TEP1: variants seen among roughly 807,000 people sequenced by gnomAD.
The protein encoded by TEP1 is telomerase associated protein 1, also known as telomerase protein component 1.
TEP1 carries 241 observed loss-of-function variants against 306.3 expected under a neutral mutation model. That is an observed-to-expected ratio of 0.79 (90% CI 0.71 to 0.88). TEP1 has a LOEUF of 0.88. TEP1 is among the 40% of genes least tolerant of loss of function. TEP1 has a pLI of 0.00. For synonymous variants in TEP1, 1,289 were observed against 1,305.5 expected, an observed-to-expected ratio of 0.99 and a Z score of 0.27; for missense variants, 3,051 against 3,276.1, an observed-to-expected ratio of 0.93 and a Z score of 1.68.
chr14:20,380,206 C>G (rs1398995757), intron 34 of TEP1, 29 bp downstream of exon 34: 1 of 1,604,788 alleles, frequency 6.2e-7, no homozygotes, highest in African/African-American at 1.3e-5. Context: ...CTCTGGTGGG[C>G]TTACTAGGGT....
rs1884609125 is a variant in TEP1 at position 20,368,527 on chromosome 14, G to A, written c.7794C>T (p.Ser2598=). ...TAGCGCCCAGCCAAGGTTCCAGGCA[G>A]CTCACTGACCCTTCGCATCGGAACA... ...LGLFRCEGSV[S]CLEPWLGANS... Residue 2598 remains serine, a synonymous_variant, in exon 55 of 55, where the codon AGC becomes AGT. Transcript: ENST00000262715. The A allele has an allele frequency of 3.7e-6, 6 of 1,614,004 alleles. No homozygotes were observed. The South Asian group carries it at 5.5e-5, about 15-fold the overall frequency.
chr14:20,368,636 T>C, intron 54 of TEP1, 77 bp from the exon 55 acceptor site: 1 of 1,590,062 alleles, frequency 6.3e-7, no homozygotes, highest in Non-Finnish European at 8.6e-7. Context: ...CATTAATGCC[T>C]TTTATTTAGA....
intron 43 of TEP1, among the ~76,000 whole-genome samples, chr14:20,375,393 A>T (rs1057147395): frequency 6.6e-6 from 1 of 152,002 alleles, no homozygotes; most frequent in Non-Finnish European, 1.5e-5. Flanking sequence ...TGGCCTCGTG[A>T]TCCACTCGCC....
In TEP1 at chr14:20,367,071, G is replaced by C. The variant is rs1029624859; in HGVS notation, c.*1366C>G. ...GATTGAATTTTAGAAATATAATAAA[G>C]TTCTTTTATGGGCCGGGCACAATGG... On this transcript the variant is annotated 3_prime_UTR_variant, in exon 55 of 55. Coordinates refer to ENST00000262715, the MANE Select transcript of TEP1 (RefSeq NM_007110.5). 6.6e-6 allele frequency: 1 copy of C among 152,152 alleles called. No homozygotes were observed. Among genetic ancestry groups the C allele is most frequent in the East Asian group, 1.9e-4 (1 of 5,194 alleles). The allele number at this position is 152,152 out of a possible 1,614,324, so 9.4% of individuals were successfully genotyped here.
At position 20,385,113 on chromosome 14, in the gene TEP1, C is replaced by A. The variant is rs775179391; in HGVS notation, c.2983-4G>T. ...GCCCTGAAGGGTACTGCTGGGCCTG[C>A]GGGGAGGACAGAGACAGTGAGTTTA... is the stretch of plus-strand genomic sequence containing the variant. On this transcript the variant is annotated splice_region_variant and splice_polypyrimidine_tract_variant and intron_variant, in intron 20 of 54. Coordinates refer to ENST00000262715, the MANE Select transcript of TEP1 (RefSeq NM_007110.5). 17 of 1,613,558 alleles carry A rather than the reference C, an allele frequency of 1.1e-5. No individual in the cohort carries two copies. The Admixed American group carries it at 2.0e-4, about 19-fold the overall frequency.
chr14:20,406,011 C>CAA (rs765373019), intron 3 of TEP1, among the ~76,000 whole-genome samples: 20 of 35,522 alleles, frequency 5.6e-4, no homozygotes, highest in African/African-American at 1.6e-3. Context: ...GACTCCATCT[C>CAA]AAAAAAAAAA....
Position 20,384,596 on chromosome 14 carries a change from T to C in TEP1, c.3221+4A>G, listed in dbSNP as rs2139075026. The C allele has an allele frequency of 2.5e-6, 4 of 1,613,948 alleles. No homozygotes were observed. In the South Asian group the frequency reaches 4.4e-5, roughly 18 times the overall value. On this transcript the variant is annotated splice_donor_region_variant and intron_variant, in intron 22 of 54. Coordinates refer to ENST00000262715, the MANE Select transcript of TEP1 (RefSeq NM_007110.5). ...ACAGGTGCTCCCTACCTCCCTCAGCTCACCTGCGGCAGGTGATCCCTTTCT... is the reference window on the plus strand; with the variant it reads ...ACAGGTGCTCCCTACCTCCCTCAGCCCACCTGCGGCAGGTGATCCCTTTCT...
Position 20,385,101 on chromosome 14 carries a change from C to A in TEP1, c.2991G>T (p.Gln997His). The change falls in exon 21 of 55, where the codon CAG becomes CAT. Residue 997 changes from glutamine to histidine, a missense_variant. Coordinates refer to ENST00000262715, the MANE Select transcript of TEP1 (RefSeq NM_007110.5). Reference sequence around the variant, plus strand: ...CTGTCACAGAGCGCCCTGAAGGGTACTGCTGGGCCTGCGGGGAGGACAGAG... The same window carrying A: ...CTGTCACAGAGCGCCCTGAAGGGTAATGCTGGGCCTGCGGGGAGGACAGAG... ...PDHPHFHWAQ[Q>H]YPSGRSVTEM... 1 of 1,614,026 alleles carries A rather than the reference C, an allele frequency of 6.2e-7. No homozygotes were observed. The highest frequency in any genetic ancestry group is 8.5e-7 in the Non-Finnish European group (1 of 1,179,962).
rs773651795 is a variant in TEP1, at chr14:20,378,523, CTG to C, written c.5363_5364del (p.Thr1788SerfsTer152). ...TGCTGGAAGGCCAGCTGCCCACGGA[CTG>C]TGTCCCACAGCTGAGGGAGAGAGAG... ...CLGGCLKLWD[T>X]VRGQLAFQHT... is the part of the protein sequence containing the mutation. On this transcript the variant is annotated frameshift_variant, in exon 38 of 55. Coordinates refer to ENST00000262715, the MANE Select transcript of TEP1 (RefSeq NM_007110.5). LOFTEE classifies it high-confidence loss of function. The C allele has an allele frequency of 3.1e-6, 5 of 1,614,250 alleles. No individual in the cohort carries two copies. In the Admixed American group the frequency reaches 5.0e-5, roughly 16 times the overall value.
intron 37 of TEP1, 70 bp downstream of exon 37, chr14:20,378,684 G>A: frequency 4.4e-6 from 7 of 1,586,390 alleles, no homozygotes; most frequent in Non-Finnish European, 5.2e-6. Context: ...CTGCCGCACT[G>A]AGAGAACAAA....
intron 2 of TEP1, among the ~76,000 whole-genome samples, chr14:20,406,947 G>C (rs1879224039): frequency 6.6e-6 from 1 of 152,240 alleles, no homozygotes; most frequent in Non-Finnish European, 1.5e-5. Flanking sequence ...CTGTGAAGTA[G>C]ATTTTCATTA....
rs1885309346 is a variant in TEP1 at position 20,378,162 on chromosome 14, C to T, written c.5583G>A (p.Arg1861=). 1 of 1,613,746 alleles carries T rather than the reference C, an allele frequency of 6.2e-7. No homozygotes were observed. Among genetic ancestry groups the T allele is most frequent in the Admixed American group, 1.7e-5 (1 of 59,998 alleles). The part of the protein sequence containing the change: ...NVPGGVVAVG[R]LDSMVELWAW... ...CCCACAGCTCCACCATACTGTCCAGCCGGCCCACAGCCACAACCCCCCCAG... is the reference window on the plus strand; with the variant it reads ...CCCACAGCTCCACCATACTGTCCAGTCGGCCCACAGCCACAACCCCCCCAG... The change falls in exon 39 of 55, where the codon CGG becomes CGA. Residue 1861 remains arginine (R), a synonymous_variant. Coordinates refer to ENST00000262715, the MANE Select transcript of TEP1 (RefSeq NM_007110.5).
At position 20,368,278 on chromosome 14, in the gene TEP1, C is replaced by T; in HGVS notation, c.*159G>A. ...ATAGAATATCCTCCTGTTCTAAATCCACATGAGAACACAGGCAGGCCTACA... is the reference window on the plus strand; with the variant it reads ...ATAGAATATCCTCCTGTTCTAAATCTACATGAGAACACAGGCAGGCCTACA... On this transcript the variant is annotated 3_prime_UTR_variant, in exon 55 of 55. Coordinates refer to ENST00000262715, the MANE Select transcript of TEP1 (RefSeq NM_007110.5). 2 of 727,874 alleles carry T rather than the reference C, an allele frequency of 2.7e-6. No individual in the cohort carries two copies. The highest frequency in any genetic ancestry group is 5.2e-5 in the South Asian group (2 of 38,612). The allele number at this position is 727,874 out of a possible 1,614,324, so 45.1% of individuals were successfully genotyped here. A position where few individuals can be genotyped will look rare whatever the true frequency, so the allele number is the denominator to read the frequency against.
chr14:20,405,689 C>T, intron 3 of TEP1, 104 bp from the exon 4 acceptor site: 1 of 1,354,920 alleles, frequency 7.4e-7, no homozygotes, highest in Non-Finnish European at 1.0e-6. Context: ...GAGAATGGAC[C>T]CGAGATGTGG....
intron 21 of TEP1, 39 bp downstream of exon 21, chr14:20,384,946 T>C: frequency 6.2e-7 from 1 of 1,613,886 alleles, no homozygotes; most frequent in Non-Finnish European, 8.5e-7. Context: ...GTCTGGCCTT[T>C]TGGGGAAGGA....
At chr14:20,403,483 G>A in intron 6 of TEP1, 35 bp from the exon 7 acceptor site, 1 of 1,613,376 alleles carries the variant, frequency 6.2e-7, no homozygotes, top group Non-Finnish European at 8.5e-7. Context: ...CAAAAAAAGG[G>A]AACTGGCTGT....
chr14:20,410,847 G>A (rs368981087), intron 1 of TEP1, among the ~76,000 whole-genome samples: 31 of 126,922 alleles, frequency 2.4e-4, no homozygotes, highest in African/African-American at 5.5e-4. Context: ...TTTTTGAAAC[G>A]GAGTCTCACT....
At chr14:20,379,360 C>T (rs1225238149) in intron 35 of TEP1, among the ~76,000 whole-genome samples, 2 of 152,212 alleles carry the variant, frequency 1.3e-5, no homozygotes, top group Admixed American at 6.5e-5. Context: ...AATGGGGTTA[C>T]ATGGGGTAGG....
At chr14:20,403,272 T>C in intron 7 of TEP1, 105 bp downstream of exon 7, 2 of 1,374,674 alleles carry the variant, frequency 1.5e-6, no homozygotes, top group Non-Finnish European at 2.0e-6. Flanking sequence ...CAGCCAAGAA[T>C]CCCCAGGAAG....
Sources: allele counts gnomAD v4.1 joint callset (sites outside exome capture counted in the v4.1 genomes callset), GRCh38; gene constraint gnomAD v4.1.1; transcripts MANE v1.5; gene names NCBI Gene and HGNC (gene_info 2026-07-23, HGNC 2026-07-21).